FOXN3: variants seen among roughly 807,000 people sequenced by gnomAD.
FOXN3 encodes the protein forkhead box protein N3.
A neutral mutation model predicts 38.4 loss-of-function variants in FOXN3; 7 were observed. The observed-to-expected ratio is 0.18, with a 90% CI of 0.10 to 0.34. The LOEUF (loss-of-function observed/expected upper bound fraction) is 0.34, where lower values mean the gene tolerates loss of function less well. Ranked by LOEUF, FOXN3 falls within the 10% of genes least tolerant of loss-of-function variation. FOXN3 has a pLI of 1.00. For missense variants in FOXN3, 456 were observed against 613.4 expected (o/e 0.74, Z 2.71); for synonymous variants, 230 against 242.2 (o/e 0.95, Z 0.47).
intron 4 of FOXN3, among the ~76,000 whole-genome samples, chr14:89,237,897 G>A (rs1017440308): frequency 6.6e-6 from 1 of 152,138 alleles, no homozygotes; most frequent in African/African-American, 2.4e-5. Context: ...TTCTCCCATA[G>A]AGCTGTGTGC....
At chr14:89,383,033 T>G (rs1278967353) in intron 2 of FOXN3, among the ~76,000 whole-genome samples, 1 of 145,214 alleles carries the variant, frequency 6.9e-6, no homozygotes, top group East Asian at 2.0e-4. Context: ...GGTGGTGTTT[T>G]TTTTTTTTTT....
upstream of FOXN3, among the ~76,000 whole-genome samples, chr14:89,420,295 G>A (rs771658945): frequency 6.6e-6 from 1 of 152,168 alleles, no homozygotes; most frequent in African/African-American, 2.4e-5. Context: ...TCCCCTACGC[G>A]CATGGCCCCC....
At chr14:89,506,307 C>G (rs1310404850) in intron 1 of FOXN3, among the ~76,000 whole-genome samples, 1 of 92,298 alleles carries the variant, frequency 1.1e-5, no homozygotes, top group African/African-American at 3.1e-5. Flanking sequence ...GGCCAGCCGC[C>G]CCGTCCGGGA....
chr14:89,519,549 G>A (rs1438088118), intron 1 of FOXN3, among the ~76,000 whole-genome samples: 1 of 130,366 alleles, frequency 7.7e-6, no homozygotes, highest in African/African-American at 3.2e-5. Context: ...AGCTGTTGGC[G>A]ACGATTTGGA....
chr14:89,289,355 A>T (rs538110071), intron 3 of FOXN3, among the ~76,000 whole-genome samples: 18 of 152,320 alleles, frequency 1.2e-4, no homozygotes, highest in Non-Finnish European at 2.6e-4. Flanking sequence ...CAAGTCTGGC[A>T]GGCAGAAAAG....
rs1887121542 is a variant in FOXN3 at position 89,162,185 on chromosome 14, A to G, written c.*229T>C. On this transcript the variant is annotated 3_prime_UTR_variant, in exon 6 of 6. Transcript: ENST00000557258. The surrounding 1 kb of genome is among the most constrained non-coding windows in gnomAD (Gnocchi z 7.2). ...AGCTTTTGTAAAACAGCTGAGTGTCAATATGAGTTCTATGGCTTCAATCTC... is the reference window on the plus strand; with the variant it reads ...AGCTTTTGTAAAACAGCTGAGTGTCGATATGAGTTCTATGGCTTCAATCTC... The G allele has an allele frequency of 2.6e-6, 1 of 389,770 alleles. No homozygotes were observed. Among genetic ancestry groups the G allele is most frequent in the Non-Finnish European group, 4.5e-6 (1 of 221,374 alleles). 24.1% of individuals were successfully genotyped at this position (389,770 alleles called of 1,614,324 possible).
At chr14:89,297,664 C>T (rs1010939925) in intron 3 of FOXN3, among the ~76,000 whole-genome samples, 1 of 152,124 alleles carries the variant, frequency 6.6e-6, no homozygotes, top group Non-Finnish European at 1.5e-5. Flanking sequence ...AAGAGATACT[C>T]GTACACCCAT....
At chr14:89,338,165 G>A (rs1021529582) in intron 3 of FOXN3, among the ~76,000 whole-genome samples, 6 of 152,120 alleles carry the variant, frequency 3.9e-5, no homozygotes, top group African/African-American at 9.7e-5. Flanking sequence ...CTGCAAAATT[G>A]CTAAATTGTC....
chr14:89,214,622 C>A (rs1291552444), intron 4 of FOXN3, among the ~76,000 whole-genome samples: 2 of 152,178 alleles, frequency 1.3e-5, no homozygotes, highest in African/African-American at 4.8e-5. Context: ...GGAAAGGACC[C>A]TTTTCCAGGG....
At chr14:89,193,899 G>A (rs984107094) in intron 4 of FOXN3, among the ~76,000 whole-genome samples, 1 of 152,112 alleles carries the variant, frequency 6.6e-6, no homozygotes, top group Non-Finnish European at 1.5e-5. Context: ...GGGATATATA[G>A]TAATATTTCA....
intron 4 of FOXN3, among the ~76,000 whole-genome samples, chr14:89,228,182 C>A (rs978903111): frequency 3.3e-5 from 5 of 152,150 alleles, no homozygotes; most frequent in Non-Finnish European, 5.9e-5. Flanking sequence ...AATTGTTATA[C>A]AACAAAGAAA....
At chr14:89,498,433 G>C (rs569296111) in intron 1 of FOXN3, among the ~76,000 whole-genome samples, 27 of 152,004 alleles carry the variant, frequency 1.8e-4, no homozygotes, top group Non-Finnish European at 3.5e-4. Flanking sequence ...CTGTTAGCCA[G>C]GATGGTCTCG....
intron 4 of FOXN3, among the ~76,000 whole-genome samples, chr14:89,186,758 C>T (rs560323944): frequency 6.6e-6 from 1 of 152,210 alleles, no homozygotes; most frequent in Non-Finnish European, 1.5e-5. Flanking sequence ...GCCAGGAGGA[C>T]AAAATGTTGT....
At chr14:89,303,496 T>TA (rs35251843) in intron 3 of FOXN3, among the ~76,000 whole-genome samples, 51,381 of 114,738 alleles carry the variant, frequency 0.45, 9,188 homozygotes, top group Admixed American at 0.51. Context: ...AAACATCTGC[T>TA]AAAAAAAAAA....
At chr14:89,233,935 G>T (rs1884899745) in intron 4 of FOXN3, among the ~76,000 whole-genome samples, 1 of 152,224 alleles carries the variant, frequency 6.6e-6, no homozygotes, top group African/African-American at 2.4e-5. Flanking sequence ...GGTAGTCCCT[G>T]AAGGAATCAG....
At chr14:89,320,702 C>T (rs1887871424) in intron 3 of FOXN3, among the ~76,000 whole-genome samples, 1 of 152,156 alleles carries the variant, frequency 6.6e-6, no homozygotes, top group Non-Finnish European at 1.5e-5. Context: ...ATACAAACTT[C>T]AGATAAAGCA....
At chr14:89,411,553 CAGTGTA>C (rs1891546416) in intron 2 of FOXN3, among the ~76,000 whole-genome samples, 2 of 152,168 alleles carry the variant, frequency 1.3e-5, no homozygotes, top group African/African-American at 4.8e-5. Flanking sequence ...CCCATGGTGG[CAGTGTA>C]TATACACACA....
At position 89,463,105 on chromosome 14, in the gene FOXN3, C is replaced by T. The variant is rs528304674; in HGVS notation, c.-14-50615G>A. ...GGAGATTGAGAAGATCTGGCTAACA[C>T]GGTGAAACCCCGTCTCTACTAAAAA... On this transcript the variant is annotated intron_variant, in intron 1 of 6. Coordinates refer to the FOXN3 transcript ENST00000345097. 8.6e-3 allele frequency among the ~76,000 whole-genome samples: 1,301 copies of T among 150,674 alleles called. 15 individuals carry two copies. Among genetic ancestry groups the T allele is most frequent in the Non-Finnish European group, 0.011 (730 of 67,672 alleles).
chr14:89,596,164 G>C (rs113903898), intron 1 of FOXN3, among the ~76,000 whole-genome samples: 99 of 152,202 alleles, frequency 6.5e-4, no homozygotes, highest in South Asian at 2.9e-3. Context: ...TTGAGACAGA[G>C]TCTCACTCTG....
Sources: allele counts gnomAD v4.1 joint callset (sites outside exome capture counted in the v4.1 genomes callset), GRCh38; gene constraint gnomAD v4.1.1; non-coding constraint Gnocchi (gnomAD v3.1); transcripts MANE v1.5; gene names NCBI Gene and HGNC (gene_info 2026-07-23, HGNC 2026-07-21).